The following CDK5RAP2 variants were observed in gnomAD, a reference collection of about 807,000 sequenced individuals.
CDK5RAP2 encodes the protein CDK5 regulatory subunit associated protein 2.
In CDK5RAP2, 147 loss-of-function variants were observed where a neutral mutation model predicts 232.9. That is an observed-to-expected ratio of 0.63 (90% CI 0.55 to 0.72). The LOEUF is 0.72. Ranked by LOEUF, CDK5RAP2 falls within the 30% of genes least tolerant of loss-of-function variation. The probability of loss-of-function intolerance (pLI) is 0.00; values close to 1 mark genes in which losing one functional copy is unlikely to be tolerated. For synonymous variants in CDK5RAP2, 833 were observed against 833.7 expected (o/e 1.00, Z 0.01); for missense variants, 2,195 against 2,231.5 (o/e 0.98, Z 0.33).
intron 19 of CDK5RAP2, among the ~76,000 whole-genome samples, chr9:120,459,276 T>G (rs1489184775): frequency 1.3e-5 from 2 of 152,178 alleles, no homozygotes; most frequent in Non-Finnish European, 2.9e-5. Context: ...CAAAGATGCA[T>G]CTAGTTAAAG....
intron 12 of CDK5RAP2, among the ~76,000 whole-genome samples, chr9:120,503,290 C>T (rs1273280899): frequency 6.6e-6 from 1 of 152,174 alleles, no homozygotes; most frequent in Admixed American, 6.5e-5. Context: ...AACCAAGCAC[C>T]TTCAACCTCA....
intron 12 of CDK5RAP2, among the ~76,000 whole-genome samples, chr9:120,499,041 A>T (rs1042223553): frequency 2.6e-5 from 4 of 152,194 alleles, no homozygotes; most frequent in Admixed American, 1.3e-4. Context: ...CACCACTCCC[A>T]TCCTTGGATC....
intron 12 of CDK5RAP2, among the ~76,000 whole-genome samples, chr9:120,511,632 T>C (rs1445578304): frequency 6.6e-6 from 1 of 152,110 alleles, no homozygotes; most frequent in East Asian, 1.9e-4. Flanking sequence ...TTACAGACAC[T>C]GCAGACCTTG....
chr9:120,419,250 T>C (rs1171927975), intron 27 of CDK5RAP2, among the ~76,000 whole-genome samples: 3 of 152,228 alleles, frequency 2.0e-5, no homozygotes, highest in Non-Finnish European at 4.4e-5. Flanking sequence ...CTGCTGTTTA[T>C]AAGTCACCCA....
Position 120,451,017 on chromosome 9 carries a change from C to T in CDK5RAP2, c.2793+2439G>A, listed in dbSNP as rs541981351. ...AGGGCTGGAAAATAACAATCATTTG[C>T]TTCGTCCTCAGTCTCCACCAATCTT... On this transcript the variant is annotated intron_variant, in intron 21 of 37. Transcript: ENST00000349780. 7.2e-5 allele frequency among the ~76,000 whole-genome samples: 11 copies of T among 152,308 alleles called. No homozygotes were observed. The East Asian group carries it at 1.5e-3, about 21-fold the overall frequency.
intron 8 of CDK5RAP2, among the ~76,000 whole-genome samples, chr9:120,529,680 A>G (rs2041061668): frequency 1.3e-5 from 2 of 152,164 alleles, no homozygotes; most frequent in South Asian, 4.1e-4. Context: ...TCCTAAGAAA[A>G]CCCAAAGGAT....
At chr9:120,462,708 T>C (rs780808161) in intron 18 of CDK5RAP2, among the ~76,000 whole-genome samples, 8 of 152,164 alleles carry the variant, frequency 5.3e-5, no homozygotes, top group Non-Finnish European at 1.2e-4. Context: ...AATTAACCCA[T>C]AGTGGGACAA....
chr9:120,430,142 T>C (rs1164668257), intron 25 of CDK5RAP2, among the ~76,000 whole-genome samples: 3 of 152,008 alleles, frequency 2.0e-5, no homozygotes, highest in Admixed American at 6.5e-5. Context: ...ATGTTAGACC[T>C]AAAACCATAA....
At chr9:120,522,126 T>C (rs1009527676) in intron 11 of CDK5RAP2, among the ~76,000 whole-genome samples, 8 of 152,166 alleles carry the variant, frequency 5.3e-5, no homozygotes, top group African/African-American at 1.4e-4. Flanking sequence ...TTTAAAAAGA[T>C]TGAGCAGCAC....
At chr9:120,501,373 T>C (rs1438084223) in intron 12 of CDK5RAP2, among the ~76,000 whole-genome samples, 1 of 152,226 alleles carries the variant, frequency 6.6e-6, no homozygotes, top group Non-Finnish European at 1.5e-5. Context: ...ACTTGCCCCA[T>C]GGAACCTCCT....
At chr9:120,468,270 G>A (rs2037497929) in intron 17 of CDK5RAP2, among the ~76,000 whole-genome samples, 1 of 152,210 alleles carries the variant, frequency 6.6e-6, no homozygotes, top group Non-Finnish European at 1.5e-5. Context: ...CTCATCTGTA[G>A]CGTTACTACG....
chr9:120,424,874 G>C (rs2034794775), intron 25 of CDK5RAP2, among the ~76,000 whole-genome samples: 1 of 151,850 alleles, frequency 6.6e-6, no homozygotes, highest in Non-Finnish European at 1.5e-5. Flanking sequence ...TAATTTTTTT[G>C]TATTTTTAGT....
chr9:120,397,151 C>T (rs1473694899), intron 35 of CDK5RAP2, among the ~76,000 whole-genome samples: 2 of 152,224 alleles, frequency 1.3e-5, no homozygotes, highest in Non-Finnish European at 2.9e-5. Context: ...AGTGTTCTGC[C>T]TGACTTCGGG....
chr9:120,548,441 T>C (rs923848049), intron 4 of CDK5RAP2, among the ~76,000 whole-genome samples: 1 of 152,258 alleles, frequency 6.6e-6, no homozygotes, highest in Non-Finnish European at 1.5e-5. Flanking sequence ...TATAAACTTA[T>C]ATACATAATT....
chr9:120,480,406 T>C (rs2038237181), intron 14 of CDK5RAP2, among the ~76,000 whole-genome samples: 1 of 152,228 alleles, frequency 6.6e-6, no homozygotes, highest in African/African-American at 2.4e-5. Flanking sequence ...ATAGTAATAC[T>C]AGTAGTATTA....
intron 1 of CDK5RAP2, among the ~76,000 whole-genome samples, chr9:120,579,396 C>T (rs1178276009): frequency 6.6e-6 from 1 of 152,212 alleles, no homozygotes; most frequent in African/African-American, 2.4e-5. Context: ...CAAGGTCACA[C>T]AGCTAGTCAG....
At chr9:120,578,870 T>C (rs964270875) in intron 1 of CDK5RAP2, among the ~76,000 whole-genome samples, 19 of 152,136 alleles carry the variant, frequency 1.2e-4, no homozygotes, top group Admixed American at 7.2e-4. Context: ...CCTGGCTCTT[T>C]TCACTCTTAA....
intron 25 of CDK5RAP2, among the ~76,000 whole-genome samples, chr9:120,430,150 T>C (rs1323570745): frequency 6.6e-6 from 1 of 152,036 alleles, no homozygotes; most frequent in Non-Finnish European, 1.5e-5. Flanking sequence ...CCTAAAACCA[T>C]AAAAACCCTA....
intron 22 of CDK5RAP2, among the ~76,000 whole-genome samples, chr9:120,445,566 C>T (rs1273167952): frequency 6.6e-6 from 1 of 152,210 alleles, no homozygotes; most frequent in African/African-American, 2.4e-5. Context: ...ATGACTTCCA[C>T]ATTGTTAAAT....
Sources: allele counts gnomAD v4.1 joint callset (sites outside exome capture counted in the v4.1 genomes callset), GRCh38; gene constraint gnomAD v4.1.1; transcripts MANE v1.5; gene names NCBI Gene and HGNC (gene_info 2026-07-23, HGNC 2026-07-21).